Variants in STRA8 observed in about 807,000 individuals in gnomAD.
The protein encoded by STRA8 is stimulated by retinoic acid gene 8 protein homolog.
In STRA8, 18 loss-of-function variants were observed where a neutral mutation model predicts 37.1. That is an observed-to-expected ratio of 0.48 (90% CI 0.34 to 0.72). The LOEUF is 0.72. Ranked by LOEUF, STRA8 falls within the 30% of genes least tolerant of loss-of-function variation. The probability of loss-of-function intolerance (pLI) is 0.01; values close to 1 mark genes in which losing one functional copy is unlikely to be tolerated. For missense variants in STRA8, 357 were observed against 410.4 expected (o/e 0.87, Z 1.13); for synonymous variants, 168 against 162.9 (o/e 1.03, Z -0.24).
At chr7:135,244,518 AT>A (rs1832516437) in intron 4 of STRA8, among the ~76,000 whole-genome samples, 1 of 152,178 alleles carries the variant, frequency 6.6e-6, no homozygotes. Context: ...GATGAGTCCA[AT>A]TTATCCTGTT....
intron 8 of STRA8, among the ~76,000 whole-genome samples, chr7:135,258,075 G>A (rs736168): frequency 0.38 from 58,097 of 152,098 alleles, 12,821 homozygotes; most frequent in African/African-American, 0.62. Context: ...TGGGAGCACC[G>A]TGGTGCAGTG....
upstream of STRA8, among the ~76,000 whole-genome samples, chr7:135,232,792 C>T (rs1832312794): frequency 6.6e-6 from 1 of 152,178 alleles, no homozygotes; most frequent in Non-Finnish European, 1.5e-5. Flanking sequence ...CGTAGCGGCT[C>T]GTTGATAGTC....
intron 1 of STRA8, among the ~76,000 whole-genome samples, chr7:135,238,695 G>A (rs1433988851): frequency 6.6e-6 from 1 of 152,034 alleles, no homozygotes; most frequent in Non-Finnish European, 1.5e-5. Context: ...ATTTAAACAA[G>A]TAAAAACAAA....
intron 4 of STRA8, among the ~76,000 whole-genome samples, chr7:135,244,883 T>C (rs1183715540): frequency 6.6e-6 from 1 of 152,202 alleles, no homozygotes; most frequent in Non-Finnish European, 1.5e-5. Flanking sequence ...GACAGTCTCA[T>C]TTTATTCCTG....
chr7:135,236,905 T>C (rs1409829112), intron 1 of STRA8, among the ~76,000 whole-genome samples: 3 of 152,224 alleles, frequency 2.0e-5, no homozygotes, highest in African/African-American at 4.8e-5. Flanking sequence ...GTTAATCATC[T>C]ATGTCTATGC....
chr7:135,238,461 A>G (rs918415302), intron 1 of STRA8, among the ~76,000 whole-genome samples: 1 of 152,220 alleles, frequency 6.6e-6, no homozygotes, highest in Non-Finnish European at 1.5e-5. Flanking sequence ...GTGTTTGGGC[A>G]GAAGGGAGGA....
chr7:135,239,808 G>A (rs1832433215), intron 1 of STRA8, among the ~76,000 whole-genome samples: 2 of 152,102 alleles, frequency 1.3e-5, no homozygotes, highest in Admixed American at 1.3e-4. Flanking sequence ...GCAAGATAAG[G>A]CAAAATGGGT....
At position 135,246,941 on chromosome 7, in the gene STRA8, T is replaced by G. The variant is rs893361013; in HGVS notation, c.879+239T>G. 1.5e-5 allele frequency: 7 copies of G among 459,640 alleles called. No individual in the cohort carries two copies. Among genetic ancestry groups the G allele is most frequent in the Non-Finnish European group, 7.6e-6 (2 of 263,616 alleles). The allele number at this position is 459,640 out of a possible 1,614,324, so 28.5% of individuals were successfully genotyped here. A position where few individuals can be genotyped will look rare whatever the true frequency, so the allele number is the denominator to read the frequency against. The stretch of plus-strand genomic sequence containing the variant: ...CTCACTGCAAGCTCTGGCTCCCGGG[T>G]TCACCTCATTCTCCTGCCTCAGCCT... On this transcript the variant is annotated intron_variant, in intron 6 of 8. Coordinates refer to ENST00000662584, the MANE Select transcript of STRA8 (RefSeq NM_001394401.1). The surrounding 1 kb of genome is among the most constrained non-coding windows in gnomAD (Gnocchi z 5.4).
intron 1 of STRA8, among the ~76,000 whole-genome samples, chr7:135,235,603 G>A (rs1832363278): frequency 6.6e-6 from 1 of 152,008 alleles, no homozygotes; most frequent in South Asian, 2.1e-4. Flanking sequence ...CACCACGCCA[G>A]CTAATTTTTC....
chr7:135,249,745 G>A (rs560152989), intron 6 of STRA8, among the ~76,000 whole-genome samples: 11 of 152,218 alleles, frequency 7.2e-5, no homozygotes, highest in Non-Finnish European at 1.3e-4. Flanking sequence ...GAGCAATTCT[G>A]CCAAATTTGA....
intron 8 of STRA8, among the ~76,000 whole-genome samples, chr7:135,257,978 A>C (rs954335845): frequency 6.6e-6 from 1 of 152,202 alleles, no homozygotes; most frequent in African/African-American, 2.4e-5. Flanking sequence ...ATTGCTTTGC[A>C]CTTTGCCCTT....
chr7:135,252,021 T>A (rs1832644136), intron 7 of STRA8, 152 bp downstream of exon 7: 1 of 674,130 alleles, frequency 1.5e-6, no homozygotes, highest in South Asian at 1.7e-5. Context: ...AGAGTGTGTG[T>A]GTGTGTGTGT....
Position 135,235,126 on chromosome 7 carries a change from C to G in STRA8, c.-7+1223C>G, listed in dbSNP as rs182701550. ...AGCTCAAGTGATCCTCCTGCCTCAG[C>G]CTCCCAAAGTGCTAGGATTACAGGC... is the stretch of plus-strand genomic sequence containing the variant. On this transcript the variant is annotated intron_variant, in intron 1 of 8. Coordinates refer to ENST00000662584, the MANE Select transcript of STRA8 (RefSeq NM_001394401.1). 2.6e-5 allele frequency among the ~76,000 whole-genome samples: 4 copies of G among 152,284 alleles called. No individual in the cohort carries two copies. The East Asian group carries it at 7.7e-4, about 29-fold the overall frequency.
At position 135,240,612 on chromosome 7, in the gene STRA8, GCC is replaced by G; in HGVS notation, c.90_91del (p.Arg31GlufsTer28). 6.2e-7 allele frequency: 1 copy of G among 1,614,038 alleles called. No homozygotes were observed. Among genetic ancestry groups the G allele is most frequent in the African/African-American group, 1.3e-5 (1 of 74,926 alleles). On this transcript the variant is annotated frameshift_variant, in exon 2 of 9. Coordinates refer to ENST00000662584, the MANE Select transcript of STRA8 (RefSeq NM_001394401.1). LOFTEE classifies it high-confidence loss of function. ...GCTGCAGGAGCTTGAGCATCGGGTG[GCC>G]CGGAGACGGCTGTCCCAGGCCCGCC... is the stretch of plus-strand genomic sequence containing the variant. ...AQLQELEHRV[A>X]RRRLSQARHR...
intron 6 of STRA8, among the ~76,000 whole-genome samples, chr7:135,250,984 C>T (rs1363499937): frequency 6.6e-6 from 1 of 151,944 alleles, no homozygotes; most frequent in East Asian, 1.9e-4. Context: ...TATTATAGAC[C>T]TAGGGAAGTG....
intron 6 of STRA8, among the ~76,000 whole-genome samples, chr7:135,248,907 G>A (rs900397770): frequency 6.6e-6 from 1 of 152,104 alleles, no homozygotes; most frequent in Non-Finnish European, 1.5e-5. Context: ...TTCTGATCTG[G>A]TTTTCCTCTG....
At chr7:135,242,326 G>A (rs921721965) in intron 2 of STRA8, among the ~76,000 whole-genome samples, 3 of 152,208 alleles carry the variant, frequency 2.0e-5, no homozygotes, top group African/African-American at 7.2e-5. Context: ...TGGAGCGTAT[G>A]CAGTTAGCAA....
chr7:135,239,334 A>G (rs1435877407), intron 1 of STRA8, among the ~76,000 whole-genome samples: 1 of 152,184 alleles, frequency 6.6e-6, no homozygotes, highest in Non-Finnish European at 1.5e-5. Context: ...CGATGTTTTC[A>G]AGGCAGGGCC....
chr7:135,243,486 C>G (rs1832498575), intron 4 of STRA8, 76 bp downstream of exon 4: 5 of 1,360,716 alleles, frequency 3.7e-6, no homozygotes, highest in Non-Finnish European at 5.2e-6. Context: ...GGTGGCAACT[C>G]ACCCTTCCTC....
Sources: allele counts gnomAD v4.1 joint callset (sites outside exome capture counted in the v4.1 genomes callset), GRCh38; gene constraint gnomAD v4.1.1; non-coding constraint Gnocchi (gnomAD v3.1); transcripts MANE v1.5; gene names NCBI Gene and HGNC (gene_info 2026-07-23, HGNC 2026-07-21).